Variants in RANBP17 observed in about 807,000 individuals in gnomAD.
RANBP17 encodes the protein RAN binding protein 17, also known as ran-binding protein 17.
RANBP17 carries 158 observed loss-of-function variants against 141.2 expected under a neutral mutation model. That is an observed-to-expected ratio of 1.12 (90% CI 0.98 to 1.28). The LOEUF is 1.28. RANBP17 is among the 50% of genes most tolerant of loss of function. RANBP17 has a pLI of 0.00. For missense variants in RANBP17, 1,438 were observed against 1,290.7 expected, an observed-to-expected ratio of 1.11 and a Z score of -1.75; for synonymous variants, 430 against 450.0, an observed-to-expected ratio of 0.96 and a Z score of 0.56.
Position 170,910,304 on chromosome 5 carries a change from A to C in RANBP17, c.594+539A>C, listed in dbSNP as rs1355663410. On this transcript the variant is annotated intron_variant, in intron 6 of 27. Coordinates refer to ENST00000523189, the MANE Select transcript of RANBP17 (RefSeq NM_022897.5). ...ATATAGGGACTCCATCATGCTATTC[A>C]AGCCTGATAATTGGTGTAATATAGC... 3.9e-5 allele frequency: 6 copies of C among 152,776 alleles called. No homozygotes were observed. The Admixed American group carries it at 3.9e-4, about 10-fold the overall frequency. 9.5% of individuals were successfully genotyped at this position (152,776 alleles called of 1,614,324 possible). A position where few individuals can be genotyped will look rare whatever the true frequency, so the allele number is the denominator to read the frequency against.
chr5:171,144,518 C>A (rs1259903422), intron 14 of RANBP17, among the ~76,000 whole-genome samples: 1 of 152,144 alleles, frequency 6.6e-6, no homozygotes, highest in Non-Finnish European at 1.5e-5. Flanking sequence ...GAAAAAAATA[C>A]AAACTGCAGG....
intron 14 of RANBP17, among the ~76,000 whole-genome samples, chr5:171,088,720 C>T (rs989301377): frequency 8.5e-5 from 13 of 152,090 alleles, no homozygotes; most frequent in Non-Finnish European, 4.4e-5. Flanking sequence ...ATTTCATCTT[C>T]CATCACTGAT....
intron 12 of RANBP17, among the ~76,000 whole-genome samples, chr5:170,937,787 G>A (rs1041910784): frequency 6.6e-6 from 1 of 151,992 alleles, no homozygotes; most frequent in Non-Finnish European, 1.5e-5. Flanking sequence ...ACATTAATTT[G>A]GATTATGTTA....
intron 24 of RANBP17, among the ~76,000 whole-genome samples, chr5:171,255,433 TAAAAA>T (rs74513742): frequency 1.3e-5 from 2 of 150,620 alleles, no homozygotes; most frequent in Non-Finnish European, 3.0e-5. Context: ...ATTTTTGCAT[TAAAAA>T]AAAACATGCA....
At chr5:171,258,753 G>A (rs1766089432) in intron 24 of RANBP17, among the ~76,000 whole-genome samples, 1 of 151,854 alleles carries the variant, frequency 6.6e-6, no homozygotes, top group East Asian at 1.9e-4. Flanking sequence ...AAGACTTAAA[G>A]CCCAAAACTG....
At chr5:171,174,238 A>T (rs1457468695) in intron 16 of RANBP17, among the ~76,000 whole-genome samples, 1 of 152,146 alleles carries the variant, frequency 6.6e-6, no homozygotes, top group Non-Finnish European at 1.5e-5. Context: ...TTCAAGACCA[A>T]ATTCCAAGAA....
chr5:170,976,872 C>T (rs1777413926), intron 14 of RANBP17, among the ~76,000 whole-genome samples: 1 of 152,022 alleles, frequency 6.6e-6, no homozygotes, highest in Non-Finnish European at 1.5e-5. Context: ...CAAAATGAAT[C>T]AGATCTAAAT....
intron 22 of RANBP17, among the ~76,000 whole-genome samples, chr5:171,234,109 T>C (rs1023753329): frequency 6.6e-6 from 1 of 152,110 alleles, no homozygotes; most frequent in East Asian, 1.9e-4. Flanking sequence ...TAGGGACATG[T>C]TGCATTATTA....
intron 25 of RANBP17, among the ~76,000 whole-genome samples, chr5:171,282,934 G>A (rs1767942418): frequency 1.3e-5 from 2 of 152,006 alleles, no homozygotes; most frequent in African/African-American, 4.8e-5. Context: ...CACAAGATCT[G>A]CGCCCAACCT....
intron 7 of RANBP17, among the ~76,000 whole-genome samples, chr5:170,911,913 A>G (rs1771559225): frequency 6.6e-6 from 1 of 151,842 alleles, no homozygotes; most frequent in Non-Finnish European, 1.5e-5. Flanking sequence ...GTTTGATAAA[A>G]AGTCTGTACT....
At chr5:170,922,667 T>C (rs1772567141) in intron 11 of RANBP17, among the ~76,000 whole-genome samples, 1 of 152,136 alleles carries the variant, frequency 6.6e-6, no homozygotes, top group Admixed American at 6.5e-5. Context: ...TTGCTAAGAC[T>C]GTGGGAAAAG....
intron 25 of RANBP17, among the ~76,000 whole-genome samples, chr5:171,278,836 G>A (rs1034793700): frequency 1.3e-5 from 2 of 152,108 alleles, no homozygotes; most frequent in Non-Finnish European, 2.9e-5. Context: ...AGAGTTGTGA[G>A]GACAAAATGA....
rs534655584 is a variant in RANBP17, at chr5:171,193,992, C to T, written c.2039-5678C>T. Among the ~76,000 whole-genome samples the T allele has an allele frequency of 3.9e-5, 6 of 152,256 alleles. No individual in the cohort carries two copies. The East Asian group carries it at 7.7e-4, about 20-fold the overall frequency. ...AATTGCCAAAGTGTTTCACACAGTA[C>T]TTATACAGTAAATCCTCAGTAACTG... On this transcript the variant is annotated intron_variant, in intron 18 of 27. Transcript: ENST00000523189.
At chr5:171,190,043 A>G (rs979582197) in intron 18 of RANBP17, among the ~76,000 whole-genome samples, 2 of 152,186 alleles carry the variant, frequency 1.3e-5, no homozygotes, top group African/African-American at 2.4e-5. Context: ...TAAGAATCAC[A>G]GAAAAAAAAA....
intron 14 of RANBP17, among the ~76,000 whole-genome samples, chr5:171,141,943 A>G (rs1168976855): frequency 6.6e-6 from 1 of 152,134 alleles, no homozygotes; most frequent in Non-Finnish European, 1.5e-5. Flanking sequence ...TTTCTTTTAT[A>G]CCTATTTAGT....
chr5:170,953,354 T>C (rs1260729727), intron 12 of RANBP17, among the ~76,000 whole-genome samples: 2 of 152,050 alleles, frequency 1.3e-5, no homozygotes, highest in Non-Finnish European at 2.9e-5. Context: ...CAAGATCACA[T>C]AGCAAATTAG....
chr5:171,001,132 G>A (rs1779172832), intron 14 of RANBP17, among the ~76,000 whole-genome samples: 1 of 152,084 alleles, frequency 6.6e-6, no homozygotes, highest in African/African-American at 2.4e-5. Context: ...GAGAGAATGG[G>A]CAATGTTTCT....
At chr5:171,235,483 G>C (rs1400220583) in intron 22 of RANBP17, among the ~76,000 whole-genome samples, 14 of 152,140 alleles carry the variant, frequency 9.2e-5, no homozygotes, top group Admixed American at 9.2e-4. Context: ...ATGGGAACTA[G>C]TTGGACATGT....
intron 14 of RANBP17, among the ~76,000 whole-genome samples, chr5:170,988,239 G>A (rs1581326576): frequency 2.0e-5 from 3 of 150,768 alleles, no homozygotes; most frequent in East Asian, 3.9e-4. Context: ...ATTCTGATGT[G>A]AATGGCACTT....
Sources: allele counts gnomAD v4.1 joint callset (sites outside exome capture counted in the v4.1 genomes callset), GRCh38; gene constraint gnomAD v4.1.1; transcripts MANE v1.5; gene names NCBI Gene and HGNC (gene_info 2026-07-23, HGNC 2026-07-21).